Variants in ANTXR1 observed in about 807,000 individuals in gnomAD.
ANTXR1 encodes the protein anthrax toxin receptor 1.
Under a neutral mutation model 78.1 loss-of-function variants are expected in ANTXR1, and 19 were observed. The ratio of observed to expected loss-of-function variants is 0.24; its 90% CI spans 0.17 to 0.36. The LOEUF (loss-of-function observed/expected upper bound fraction) is 0.36, where lower values mean the gene tolerates loss of function less well. Ranked by LOEUF, ANTXR1 falls within the 10% of genes least tolerant of loss-of-function variation. The probability of loss-of-function intolerance (pLI) is 1.00; values close to 1 mark genes in which losing one functional copy is unlikely to be tolerated. For synonymous variants in ANTXR1, 273 were observed against 260.5 expected (o/e 1.05, Z -0.46); for missense variants, 518 against 718.6 (o/e 0.72, Z 3.19).
chr2:69,184,834 G>T (rs1177300813), intron 16 of ANTXR1, among the ~76,000 whole-genome samples: 3 of 152,240 alleles, frequency 2.0e-5, no homozygotes, highest in Non-Finnish European at 2.9e-5. Context: ...AAACCCGGCT[G>T]AGTGTCAGAA....
intron 16 of ANTXR1, among the ~76,000 whole-genome samples, chr2:69,187,821 C>G (rs1674457610): frequency 6.6e-6 from 1 of 151,144 alleles, no homozygotes; most frequent in South Asian, 2.1e-4. Flanking sequence ...AATCTCTTGA[C>G]CTCTTGATCT....
intron 17 of ANTXR1, among the ~76,000 whole-genome samples, chr2:69,204,041 T>C (rs1405470421): frequency 2.0e-5 from 3 of 152,062 alleles, no homozygotes; most frequent in Non-Finnish European, 2.9e-5. Context: ...TACCCAAGTG[T>C]GTAATATTTT....
chr2:69,182,698 G>A (rs1674306793), intron 16 of ANTXR1, 38 bp downstream of exon 16: 3 of 1,613,108 alleles, frequency 1.9e-6, no homozygotes, highest in Admixed American at 1.7e-5. Flanking sequence ...CATCAGTCCT[G>A]ATAAAACACT....
At chr2:69,106,908 A>G (rs1004821022) in intron 10 of ANTXR1, among the ~76,000 whole-genome samples, 5 of 152,232 alleles carry the variant, frequency 3.3e-5, no homozygotes, top group Non-Finnish European at 7.3e-5. Context: ...TGGAAAATAA[A>G]TGTGTTTAAA....
chr2:69,141,363 A>G (rs534965574), intron 12 of ANTXR1, among the ~76,000 whole-genome samples: 46 of 152,370 alleles, frequency 3.0e-4, no homozygotes, highest in African/African-American at 1.1e-3. Context: ...TTTCACATAC[A>G]TAAAGAAAAA....
At chr2:69,202,577 T>G (rs952746924) in intron 17 of ANTXR1, among the ~76,000 whole-genome samples, 1 of 152,210 alleles carries the variant, frequency 6.6e-6, no homozygotes, top group Admixed American at 6.5e-5. Context: ...AAGAACTCAC[T>G]GTTAGACTGC....
intron 17 of ANTXR1, among the ~76,000 whole-genome samples, chr2:69,195,227 T>C (rs1382455256): frequency 1.3e-5 from 2 of 152,034 alleles, no homozygotes; most frequent in Admixed American, 6.5e-5. Flanking sequence ...GATATCCTTA[T>C]GGTCATTTAC....
At chr2:69,079,244 G>A (rs990828485) in intron 8 of ANTXR1, among the ~76,000 whole-genome samples, 4 of 152,148 alleles carry the variant, frequency 2.6e-5, no homozygotes, top group Non-Finnish European at 5.9e-5. Flanking sequence ...GGTCACTGTG[G>A]CATACTTGAC....
chr2:69,192,027 G>A (rs1210125548), intron 16 of ANTXR1, among the ~76,000 whole-genome samples: 2 of 152,180 alleles, frequency 1.3e-5, no homozygotes, highest in Non-Finnish European at 2.9e-5. Context: ...AGCACCAGAT[G>A]TTGTCCTAAG....
At chr2:69,014,978 C>T (rs1165856764) in intron 1 of ANTXR1, among the ~76,000 whole-genome samples, 1 of 151,756 alleles carries the variant, frequency 6.6e-6, no homozygotes, top group Non-Finnish European at 1.5e-5. Flanking sequence ...AGCATCAGCT[C>T]ACAGACTTAG....
chr2:69,023,557 G>T (rs1008823490), intron 1 of ANTXR1, among the ~76,000 whole-genome samples: 2 of 152,080 alleles, frequency 1.3e-5, no homozygotes, highest in African/African-American at 4.8e-5. Flanking sequence ...GGTCATGGTG[G>T]TGGTGGTGTT....
rs1280218790 is a variant in ANTXR1 at position 69,249,085 on chromosome 2, C to G, written c.*3600C>G. On this transcript the variant is annotated 3_prime_UTR_variant, in exon 18 of 18. Coordinates refer to ENST00000303714, the MANE Select transcript of ANTXR1 (RefSeq NM_032208.3). ...TATAAAAAATCAGTTATCACTATACCATGCTATAGGAGACTGGGCAAAACC... is the reference window on the plus strand; with the variant it reads ...TATAAAAAATCAGTTATCACTATACGATGCTATAGGAGACTGGGCAAAACC... 1 of 152,168 alleles carries G rather than the reference C, an allele frequency of 6.6e-6. No individual in the cohort carries two copies. The highest frequency in any genetic ancestry group is 2.4e-5 in the African/African-American group (1 of 41,448). 9.4% of individuals were successfully genotyped at this position (152,168 alleles called of 1,614,324 possible). A position where few individuals can be genotyped will look rare whatever the true frequency, so the allele number is the denominator to read the frequency against.
intron 17 of ANTXR1, among the ~76,000 whole-genome samples, chr2:69,232,791 A>T (rs965451541): frequency 5.9e-5 from 9 of 152,218 alleles, no homozygotes; most frequent in Admixed American, 2.0e-4. Context: ...CAAATTAATG[A>T]AAACAAAGCA....
chr2:69,149,978 T>C (rs530294087), intron 12 of ANTXR1, among the ~76,000 whole-genome samples: 1 of 152,306 alleles, frequency 6.6e-6, no homozygotes, highest in African/African-American at 2.4e-5. Flanking sequence ...TGTGCTCTCT[T>C]CCCTCCCCCA....
At chr2:69,118,692 C>T (rs114092424) in intron 10 of ANTXR1, among the ~76,000 whole-genome samples, 2,792 of 152,224 alleles carry the variant, frequency 0.018, 91 homozygotes, top group African/African-American at 0.064. Context: ...CTGGCTTTGG[C>T]ACACGCTGCA....
intron 15 of ANTXR1, 71 bp downstream of exon 15, chr2:69,181,952 C>T: frequency 6.9e-7 from 1 of 1,445,032 alleles, no homozygotes; most frequent in Admixed American, 1.7e-5. Flanking sequence ...CCGGGCCTGA[C>T]CCTGCTTAGC....
chr2:69,088,440 C>T (rs1671124096), intron 8 of ANTXR1, among the ~76,000 whole-genome samples: 1 of 152,168 alleles, frequency 6.6e-6, no homozygotes, highest in Admixed American at 6.5e-5. Flanking sequence ...CATCAAAAAA[C>T]AGCTTTGTGT....
chr2:69,112,009 C>T (rs891715658), intron 10 of ANTXR1, among the ~76,000 whole-genome samples: 4 of 152,138 alleles, frequency 2.6e-5, no homozygotes, highest in South Asian at 2.1e-4. Flanking sequence ...AGGCACTTAA[C>T]GCAATCTCGA....
intron 12 of ANTXR1, among the ~76,000 whole-genome samples, chr2:69,142,118 T>C (rs1406472310): frequency 2.6e-5 from 4 of 152,218 alleles, no homozygotes; most frequent in Non-Finnish European, 2.9e-5. Flanking sequence ...AGTAGAAGTT[T>C]AGGATTTGGA....
Sources: gnomAD v4.1 joint callset for allele counts (sites outside exome capture counted in the v4.1 genomes callset) on GRCh38, gnomAD v4.1.1 for gene constraint, MANE v1.5 for transcripts, NCBI Gene and HGNC (gene_info 2026-07-23, HGNC 2026-07-21) for gene names.